TRIP12: variants seen among roughly 807,000 people sequenced by gnomAD.
TRIP12 encodes the protein thyroid hormone receptor interactor 12.
In TRIP12, 25 loss-of-function variants were observed where a neutral mutation model predicts 244.2. The observed-to-expected ratio is 0.10, with a 90% CI of 0.07 to 0.14. The LOEUF (loss-of-function observed/expected upper bound fraction) is 0.14, where lower values mean the gene tolerates loss of function less well. Ranked by LOEUF, TRIP12 falls within the 10% of genes least tolerant of loss-of-function variation. The pLI is 1.00. For synonymous variants in TRIP12, 905 were observed against 873.1 expected (o/e 1.04, Z -0.64); for missense variants, 1,677 against 2,486.4 (o/e 0.67, Z 6.92).
At position 229,778,565 on chromosome 2, in the gene TRIP12, A is replaced by G; in HGVS notation, c.5232T>C (p.Tyr1744=). ...NPKGSQEGTK[Y]IQNLQGLFAL... ...CAAACAGGCCCTGGAGGTTTTGAATATACTTGGTCCCTTCTTGGCTCCCTG... is the reference window on the plus strand; with the variant it reads ...CAAACAGGCCCTGGAGGTTTTGAATGTACTTGGTCCCTTCTTGGCTCCCTG... Residue 1744 remains tyrosine, a synonymous_variant, in exon 36 of 42, where the codon TAT becomes TAC. Transcript: ENST00000675903. This position sits in a 1 kb window ranked among gnomAD's most constrained non-coding sequence, Gnocchi z 4.1. 1 of 1,613,934 alleles carries G rather than the reference A, an allele frequency of 6.2e-7. No homozygotes were observed. The highest frequency in any genetic ancestry group is 8.5e-7 in the Non-Finnish European group (1 of 1,179,854).
chr2:229,786,393 T>C (rs942299678), intron 33 of TRIP12, among the ~76,000 whole-genome samples: 1 of 121,534 alleles, frequency 8.2e-6, no homozygotes, highest in Non-Finnish European at 1.6e-5. Flanking sequence ...ACGAATAGGA[T>C]GACTTTTTTT....
At chr2:229,773,855 G>C (rs2035362562) in intron 38 of TRIP12, 1 of 348,654 alleles carries the variant, frequency 2.9e-6, no homozygotes, top group South Asian at 8.6e-5. Flanking sequence ...AGAAAACGTG[G>C]TGTAATTAGA....
chr2:229,831,229 G>A lies in TRIP12; in HGVS notation c.1271-390C>T, dbSNP rs1320131553. 1.9e-5 allele frequency: 13 copies of A among 674,940 alleles called. No homozygotes were observed. The East Asian group carries it at 3.2e-4, about 17-fold the overall frequency. The allele number at this position is 674,940 out of a possible 1,614,324, so 41.8% of individuals were successfully genotyped here. On this transcript the variant is annotated intron_variant, in intron 6 of 41. Transcript: ENST00000675903. ...AATTAGTAACAAAAATAATAAAAAG[G>A]CAAAATAGACATTTGGGGGAAATGT... is the stretch of plus-strand genomic sequence containing the variant.
chr2:229,780,832 T>C (rs2037906456), intron 34 of TRIP12, among the ~76,000 whole-genome samples: 1 of 152,186 alleles, frequency 6.6e-6, no homozygotes, highest in Non-Finnish European at 1.5e-5. Context: ...AACTAAAAGA[T>C]AAGCTCCATC....
intron 20 of TRIP12, among the ~76,000 whole-genome samples, chr2:229,803,042 T>C (rs1419651089): frequency 2.0e-5 from 3 of 152,224 alleles, no homozygotes; most frequent in East Asian, 1.9e-4. Context: ...AACTATCAAA[T>C]TGTATACCAA....
intron 1 of TRIP12, among the ~76,000 whole-genome samples, chr2:229,914,140 G>A (rs900095427): frequency 1.3e-5 from 2 of 152,128 alleles, no homozygotes; most frequent in African/African-American, 2.4e-5. Flanking sequence ...TGGAGGTGGA[G>A]GCTGCAGTGA....
intron 30 of TRIP12, among the ~76,000 whole-genome samples, 172 bp from the exon 31 acceptor site, chr2:229,789,934 T>C (rs1050476877): frequency 4.6e-5 from 7 of 152,204 alleles, no homozygotes; most frequent in Non-Finnish European, 8.8e-5. Flanking sequence ...ATCTTATATA[T>C]AAAGTGCCTT....
chr2:229,810,870 T>G lies in TRIP12; in HGVS notation c.2221+10A>C. The G allele has an allele frequency of 6.2e-7, 1 of 1,612,588 alleles. No homozygotes were observed. The highest frequency in any genetic ancestry group is 1.1e-5 in the South Asian group (1 of 90,560). On this transcript the variant is annotated intron_variant, in intron 15 of 41. Transcript: ENST00000675903. ...TCCTGCTTAAAGTAGAACAGTAAAT[T>G]TGCACTTACTTTGTTTCATAAGTTG...
At position 229,764,679 on chromosome 2, in the gene TRIP12, C is replaced by T. The variant is rs958428499; in HGVS notation, c.*2875G>A. The T allele has an allele frequency of 1.3e-5, 2 of 152,218 alleles. No individual in the cohort carries two copies. The highest frequency in any genetic ancestry group is 2.4e-5 in the African/African-American group (1 of 41,446). The allele number at this position is 152,218 out of a possible 1,614,324, so 9.4% of individuals were successfully genotyped here. ...AAATCAAGAGTTGTGGATCTAATTTCTTGGATACTGAAGTTGGTGCTCTGT... is the reference window on the plus strand; with the variant it reads ...AAATCAAGAGTTGTGGATCTAATTTTTTGGATACTGAAGTTGGTGCTCTGT... On this transcript the variant is annotated 3_prime_UTR_variant, in exon 42 of 42. Coordinates refer to ENST00000675903, the MANE Select transcript of TRIP12 (RefSeq NM_001348323.3).
chr2:229,876,477 C>A (rs185400187), intron 2 of TRIP12, among the ~76,000 whole-genome samples: 1 of 152,146 alleles, frequency 6.6e-6, no homozygotes, highest in African/African-American at 2.4e-5. Flanking sequence ...ATTTCTATGT[C>A]CTGATCACAC....
chr2:229,799,010 AAAG>A lies in TRIP12; in HGVS notation c.3344_3346del (p.Ser1115del), dbSNP rs1463896385. 3.7e-6 allele frequency: 6 copies of A among 1,614,064 alleles called. No homozygotes were observed. The highest frequency in any genetic ancestry group is 5.1e-6 in the Non-Finnish European group (6 of 1,180,042). ...TGTTTTTGGATTCAAGCTTGCCAGG[AAAG>A]AAGATTTAGGTGACTGAGTAGTGGT... is the stretch of plus-strand genomic sequence containing the variant. On this transcript the variant is annotated inframe_deletion, in exon 23 of 42. Coordinates refer to ENST00000675903, the MANE Select transcript of TRIP12 (RefSeq NM_001348323.3).
chr2:229,770,911 C>T (rs2034055274), intron 39 of TRIP12, among the ~76,000 whole-genome samples: 1 of 152,138 alleles, frequency 6.6e-6, no homozygotes, highest in Non-Finnish European at 1.5e-5. Flanking sequence ...TCCCCAGCCA[C>T]GTGGAACTCT....
chr2:229,853,651 C>CT (rs2059117707), intron 4 of TRIP12, among the ~76,000 whole-genome samples: 1 of 150,956 alleles, frequency 6.6e-6, no homozygotes, highest in South Asian at 2.1e-4. Flanking sequence ...GAATGAGACT[C>CT]TGACTCCAAA....
chr2:229,872,197 G>A (rs2062766729), intron 2 of TRIP12, among the ~76,000 whole-genome samples: 1 of 150,828 alleles, frequency 6.6e-6, no homozygotes, highest in Non-Finnish European at 1.5e-5. Flanking sequence ...GGCAGGCCAA[G>A]GCAGGAGGAC....
At position 229,766,643 on chromosome 2, in the gene TRIP12, T is replaced by C. The variant is rs914950626; in HGVS notation, c.*911A>G. On this transcript the variant is annotated 3_prime_UTR_variant, in exon 42 of 42. Transcript: ENST00000675903. ...ACTCCAACAGGGAAGGAAAACTGCT[T>C]ATTTTGTTTAAAAAATTTACATTAA... 6.6e-6 allele frequency: 1 copy of C among 152,200 alleles called. No individual in the cohort carries two copies. The highest frequency in any genetic ancestry group is 1.5e-5 in the Non-Finnish European group (1 of 68,034). The allele number at this position is 152,200 out of a possible 1,614,324, so 9.4% of individuals were successfully genotyped here. A position where few individuals can be genotyped will look rare whatever the true frequency, so the allele number is the denominator to read the frequency against.
rs186919183 is a variant in TRIP12, at chr2:229,812,546, C to A, written c.1986+1324G>T. On this transcript the variant is annotated intron_variant, in intron 13 of 41. Coordinates refer to ENST00000675903, the MANE Select transcript of TRIP12 (RefSeq NM_001348323.3). ...TTTGGTCGGGTGCCATGGCTTAGGC[C>A]TGTAATCCCAGCACTTTGGGAGGCT... 1.1e-3 allele frequency among the ~76,000 whole-genome samples: 168 copies of A among 152,264 alleles called. 1 individual carries two copies. The highest frequency in any genetic ancestry group is 2.0e-3 in the Non-Finnish European group (135 of 68,010).
At chr2:229,816,971 A>G (rs2154285323) in intron 9 of TRIP12, among the ~76,000 whole-genome samples, 1 of 152,348 alleles carries the variant, frequency 6.6e-6, no homozygotes. Flanking sequence ...AACTTTGACT[A>G]GAATGGAAAT....
chr2:229,883,043 A>AT (rs1365519911), intron 1 of TRIP12, among the ~76,000 whole-genome samples: 2 of 152,260 alleles, frequency 1.3e-5, no homozygotes, highest in African/African-American at 4.8e-5. Flanking sequence ...TAAATAAAAG[A>AT]TTAACATATG....
In TRIP12 at chr2:229,788,782, G is replaced by A; in HGVS notation, c.4838+16C>T. The stretch of plus-strand genomic sequence containing the variant: ...TAACATTTCCAAGGCCACCATTACA[G>A]AAGTGATTGTCTTACCAGGTTTTTC... On this transcript the variant is annotated intron_variant, in intron 32 of 41. Transcript: ENST00000675903. 1.2e-6 allele frequency: 2 copies of A among 1,610,188 alleles called. No homozygotes were observed. The highest frequency in any genetic ancestry group is 1.7e-4 in the Middle Eastern group (1 of 6,046).
Sources: allele counts gnomAD v4.1 joint callset (sites outside exome capture counted in the v4.1 genomes callset), GRCh38; gene constraint gnomAD v4.1.1; non-coding constraint Gnocchi (gnomAD v3.1); transcripts MANE v1.5; gene names NCBI Gene and HGNC (gene_info 2026-07-23, HGNC 2026-07-21).